The following PIK3R1 variants were observed in gnomAD, a reference collection of about 807,000 sequenced individuals.
The protein encoded by PIK3R1 is phosphatidylinositol 3-kinase regulatory subunit alpha.
A neutral mutation model predicts 98.0 loss-of-function variants in PIK3R1; 29 were observed. The observed-to-expected ratio is 0.30, with a 90% CI of 0.22 to 0.40. The LOEUF is 0.40. PIK3R1 is among the 10% of genes least tolerant of loss of function. The probability of loss-of-function intolerance (pLI) is 1.00; values close to 1 mark genes in which losing one functional copy is unlikely to be tolerated. For missense variants in PIK3R1, 596 were observed against 872.7 expected (o/e 0.68, Z 3.99); for synonymous variants, 282 against 311.8 (o/e 0.90, Z 1.01).
At chr5:68,263,225 ATATC>A (rs1249233904) in intron 2 of PIK3R1, among the ~76,000 whole-genome samples, 35 of 139,126 alleles carry the variant, frequency 2.5e-4, no homozygotes, top group Non-Finnish European at 3.4e-4. Flanking sequence ...TTCTACATAT[ATATC>A]TATATATGTA....
rs1051498003 is a variant in PIK3R1, at chr5:68,292,366, G to A, written c.1019+5G>A. The A allele has an allele frequency of 6.3e-7, 1 of 1,593,028 alleles. No homozygotes were observed. Among genetic ancestry groups the A allele is most frequent in the Non-Finnish European group, 8.6e-7 (1 of 1,161,630 alleles). On this transcript the variant is annotated splice_donor_5th_base_variant and intron_variant, in intron 8 of 15. Transcript: ENST00000521381. The stretch of plus-strand genomic sequence containing the variant: ...GTACTGGGGAGATATCTCGAGGTAA[G>A]GCTACAGAAACTTCATTTTCAGAGA...
At chr5:68,217,647 T>TGCGCGCGC (rs1490036254) in intron 1 of PIK3R1, 6 of 136,092 alleles carry the variant, frequency 4.4e-5, no homozygotes, top group Non-Finnish European at 7.9e-5. Flanking sequence ...TGTGTGTGTG[T>TGCGCGCGC]GTGTGTGCGC....
intron 9 of PIK3R1, 44 bp downstream of exon 9, chr5:68,293,243 T>C (rs1175416250): frequency 3.1e-6 from 5 of 1,596,174 alleles, no homozygotes; most frequent in Admixed American, 1.7e-5. Flanking sequence ...TGGGCTGATA[T>C]TAAAACATAT....
At chr5:68,295,661 G>T in intron 14 of PIK3R1, 173 bp downstream of exon 14, 4 of 625,654 alleles carry the variant, frequency 6.4e-6, no homozygotes, top group South Asian at 2.0e-5. Flanking sequence ...AGAAAGCTTA[G>T]CTAAGGAGGA....
chr5:68,226,105 C>A (rs2111960874), intron 1 of PIK3R1, among the ~76,000 whole-genome samples, 185 bp from the exon 2 acceptor site: 1 of 152,234 alleles, frequency 6.6e-6, no homozygotes, highest in South Asian at 2.1e-4. Flanking sequence ...CCCCTCTGCC[C>A]CCGCCCGGTG....
At chr5:68,279,885 C>T in intron 5 of PIK3R1, 152 bp downstream of exon 5, 1 of 724,026 alleles carries the variant, frequency 1.4e-6, no homozygotes, top group Non-Finnish European at 2.2e-6. Context: ...TCCTCCTCCA[C>T]CCAAGCATCC....
At chr5:68,283,049 G>A (rs1015040349) in intron 7 of PIK3R1, among the ~76,000 whole-genome samples, 18 of 152,244 alleles carry the variant, frequency 1.2e-4, no homozygotes, top group African/African-American at 3.6e-4. Flanking sequence ...ATGGCAGCCT[G>A]GGTTGAAGAA....
intron 4 of PIK3R1, among the ~76,000 whole-genome samples, chr5:68,278,110 G>T (rs1261160555): frequency 2.6e-5 from 4 of 151,916 alleles, no homozygotes; most frequent in Non-Finnish European, 5.9e-5. Flanking sequence ...TGGGCATTGT[G>T]TCTTTTTCCA....
At chr5:68,234,788 C>T (rs1377166849) in intron 2 of PIK3R1, among the ~76,000 whole-genome samples, 1 of 152,126 alleles carries the variant, frequency 6.6e-6, no homozygotes, top group Non-Finnish European at 1.5e-5. Context: ...TCTAAATCTA[C>T]CTAAGAGGTA....
At chr5:68,259,741 A>G (rs547111699) in intron 2 of PIK3R1, among the ~76,000 whole-genome samples, 1 of 152,332 alleles carries the variant, frequency 6.6e-6, no homozygotes, top group Admixed American at 6.5e-5. Flanking sequence ...TTGGCAGTCA[A>G]TGTCCAAAGT....
intron 2 of PIK3R1, among the ~76,000 whole-genome samples, chr5:68,258,801 G>A (rs1326600586): frequency 6.6e-6 from 1 of 152,092 alleles, no homozygotes; most frequent in East Asian, 1.9e-4. Flanking sequence ...TGTGACAAAC[G>A]CCAGGATGCC....
intron 2 of PIK3R1, among the ~76,000 whole-genome samples, chr5:68,268,040 A>G (rs906278019): frequency 1.3e-5 from 2 of 152,158 alleles, no homozygotes; most frequent in Non-Finnish European, 2.9e-5. Context: ...ATAACTACCT[A>G]TTAGTTTGTG....
chr5:68,286,491 A>G (rs1411498918), intron 7 of PIK3R1, among the ~76,000 whole-genome samples: 2 of 152,224 alleles, frequency 1.3e-5, no homozygotes, highest in East Asian at 1.9e-4. Context: ...TTACTGATTC[A>G]GTTCTACCAG....
rs555752068 is a variant in PIK3R1 at position 68,261,504 on chromosome 5, A to T, written c.335-11886A>T. Among the ~76,000 whole-genome samples, 30 of 148,734 alleles carry T rather than the reference A, an allele frequency of 2.0e-4. No homozygotes were observed. The Middle Eastern group carries it at 0.01, about 51-fold the overall frequency. Reference sequence around the variant, plus strand: ...TAGGGGATTTAATCAATACTCTTTTAAAAAAAAAAGTCACAGAAAGAAAGC... The same window carrying T: ...TAGGGGATTTAATCAATACTCTTTTTAAAAAAAAAGTCACAGAAAGAAAGC... On this transcript the variant is annotated intron_variant, in intron 2 of 15. Transcript: ENST00000521381.
At chr5:68,261,135 T>C (rs1745729688) in intron 2 of PIK3R1, among the ~76,000 whole-genome samples, 1 of 152,216 alleles carries the variant, frequency 6.6e-6, no homozygotes, top group Admixed American at 6.5e-5. Context: ...CTTCCAGATT[T>C]TCAACACACA....
At chr5:68,263,999 C>A (rs1256058345) in intron 2 of PIK3R1, among the ~76,000 whole-genome samples, 4 of 152,184 alleles carry the variant, frequency 2.6e-5, no homozygotes, top group Non-Finnish European at 4.4e-5. Context: ...TTGAAGGGCC[C>A]TCTGTCCATC....
At chr5:68,289,435 T>G (rs1454894424) in intron 7 of PIK3R1, among the ~76,000 whole-genome samples, 1 of 151,100 alleles carries the variant, frequency 6.6e-6, no homozygotes, top group African/African-American at 2.4e-5. Context: ...GATCCCAAAT[T>G]TTACAGAAAG....
intron 2 of PIK3R1, among the ~76,000 whole-genome samples, chr5:68,254,714 G>C (rs1293876478): frequency 7.2e-5 from 11 of 152,168 alleles, no homozygotes; most frequent in Admixed American, 7.2e-4. Flanking sequence ...TGTGATTTAA[G>C]GGAAGACACT....
intron 7 of PIK3R1, among the ~76,000 whole-genome samples, chr5:68,286,439 C>T (rs1025781125): frequency 3.3e-5 from 5 of 152,148 alleles, no homozygotes; most frequent in Admixed American, 1.3e-4. Flanking sequence ...TTTGGACATA[C>T]GAAATATACA....
Sources: gnomAD v4.1 joint callset for allele counts (sites outside exome capture counted in the v4.1 genomes callset) on GRCh38, gnomAD v4.1.1 for gene constraint, MANE v1.5 for transcripts, NCBI Gene and HGNC (gene_info 2026-07-23, HGNC 2026-07-21) for gene names.